The following UGT1A8 variants were observed in gnomAD, a reference collection of about 807,000 sequenced individuals.
UGT1A8 encodes the protein UDP glucuronosyltransferase family 1 member A8, also known as UDP-glucuronosyltransferase 1A8.
In UGT1A8, 39 loss-of-function variants were observed where a neutral mutation model predicts 45.3. That is an observed-to-expected ratio of 0.86 (90% CI 0.67 to 1.12). The LOEUF is 1.12. UGT1A8 is among the 50% of genes most tolerant of loss of function. The pLI is 0.00. For synonymous variants in UGT1A8, 275 were observed against 249.2 expected, an observed-to-expected ratio of 1.10 and a Z score of -0.97; for missense variants, 719 against 664.9, an observed-to-expected ratio of 1.08 and a Z score of -0.90.
intron 1 of UGT1A8, among the ~76,000 whole-genome samples, chr2:233,710,298 G>T (rs546531335): frequency 5.9e-5 from 9 of 152,282 alleles, no homozygotes; most frequent in African/African-American, 2.2e-4. Context: ...GGATTGTTGG[G>T]TTGCATGGTA....
intron 1 of UGT1A8, chr2:233,747,870 C>T (rs1693798797): frequency 1.2e-6 from 2 of 1,613,434 alleles, no homozygotes; most frequent in Non-Finnish European, 1.7e-6. Context: ...CCCTCTGGCC[C>T]TGTCCTACCT....
intron 1 of UGT1A8, among the ~76,000 whole-genome samples, chr2:233,677,695 G>A (rs2074396961): frequency 6.6e-6 from 1 of 152,040 alleles, no homozygotes; most frequent in Non-Finnish European, 1.5e-5. Flanking sequence ...TGGTGAGGCT[G>A]CTGAGAAAAG....
chr2:233,702,773 G>A (rs1177532005), intron 1 of UGT1A8, among the ~76,000 whole-genome samples: 1 of 152,128 alleles, frequency 6.6e-6, no homozygotes, highest in Non-Finnish European at 1.5e-5. Flanking sequence ...TAATTGATTT[G>A]CAGGTGTAAA....
Position 233,768,455 on chromosome 2 carries a change from CAGA to C in UGT1A8, c.1295+21_1295+23del, listed in dbSNP as rs1237588109. On this transcript the variant is annotated intron_variant, in intron 4 of 4. Transcript: ENST00000373450. The stretch of plus-strand genomic sequence containing the variant: ...ATGACAAAAGGTAAGAAAGAAGATA[CAGA>C]AGAATACTTTGGTCATGGCATTCAT... 4 of 1,610,124 alleles carry C rather than the reference CAGA, an allele frequency of 2.5e-6. No homozygotes were observed. The African/African-American group carries it at 5.4e-5, about 22-fold the overall frequency.
chr2:233,734,300 G>GAAGA (rs2078508632), intron 1 of UGT1A8, among the ~76,000 whole-genome samples: 1 of 152,112 alleles, frequency 6.6e-6, no homozygotes, highest in Non-Finnish European at 1.5e-5. Context: ...AGATTTTCTA[G>GAAGA]TTTATTTGTG....
chr2:233,658,784 A>G (rs2073907069), intron 1 of UGT1A8, among the ~76,000 whole-genome samples: 1 of 152,240 alleles, frequency 6.6e-6, no homozygotes, highest in African/African-American at 2.4e-5. Flanking sequence ...GGTTGTTCAT[A>G]CTGCTAAACA....
chr2:233,675,475 T>G (rs924736975), intron 1 of UGT1A8, among the ~76,000 whole-genome samples: 1 of 152,150 alleles, frequency 6.6e-6, no homozygotes, highest in Non-Finnish European at 1.5e-5. Flanking sequence ...CCATGGCAGG[T>G]GCGGCTCTGG....
chr2:233,680,967 G>T (rs1245620136), intron 1 of UGT1A8, among the ~76,000 whole-genome samples: 1 of 152,014 alleles, frequency 6.6e-6, no homozygotes, highest in Non-Finnish European at 1.5e-5. Context: ...TTCTGGAAGG[G>T]TCCATGGAGG....
rs1399305779 is a variant in UGT1A8, at chr2:233,769,284, T to C, written c.1295+845T>C. 6.6e-6 allele frequency among the ~76,000 whole-genome samples: 1 copy of C among 152,226 alleles called. No individual in the cohort carries two copies. The highest frequency in any genetic ancestry group is 1.5e-5 in the Non-Finnish European group (1 of 68,038). ...AACGATTCAAAGGGCAAATGATTTC[T>C]GGATTAAAGTTAGTATATTACTGTC... On this transcript the variant is annotated intron_variant, in intron 4 of 4. Coordinates refer to ENST00000373450, the MANE Select transcript of UGT1A8 (RefSeq NM_019076.5). The surrounding 1 kb of genome is among the most constrained non-coding windows in gnomAD (Gnocchi z 4.4).
At chr2:233,704,603 G>T (rs1341445338) in intron 1 of UGT1A8, among the ~76,000 whole-genome samples, 1 of 152,070 alleles carries the variant, frequency 6.6e-6, no homozygotes, top group African/African-American at 2.4e-5. Context: ...AGAAGAGCAA[G>T]TATGTATTTA....
chr2:233,623,332 G>T (rs2125449543), intron 1 of UGT1A8, among the ~76,000 whole-genome samples: 1 of 152,080 alleles, frequency 6.6e-6, no homozygotes, highest in East Asian at 1.9e-4. Context: ...GGCCATTTTT[G>T]TGATATTGAT....
chr2:233,624,034 T>C (rs1186051898), intron 1 of UGT1A8, among the ~76,000 whole-genome samples: 1 of 152,156 alleles, frequency 6.6e-6, no homozygotes, highest in Non-Finnish European at 1.5e-5. Flanking sequence ...TTGCAACAAA[T>C]AGTTCAGAGA....
At chr2:233,762,564 C>T (rs537495402) in intron 1 of UGT1A8, among the ~76,000 whole-genome samples, 6 of 152,312 alleles carry the variant, frequency 3.9e-5, no homozygotes, top group African/African-American at 1.4e-4. Context: ...GAGATCTAGT[C>T]TAGTTCCCCA....
chr2:233,766,445 C>A (rs1699154824), intron 1 of UGT1A8, among the ~76,000 whole-genome samples: 1 of 152,174 alleles, frequency 6.6e-6, no homozygotes, highest in African/African-American at 2.4e-5. Flanking sequence ...TGTGTGTCTG[C>A]CTGCTAGGGT....
intron 1 of UGT1A8, among the ~76,000 whole-genome samples, chr2:233,694,053 G>C (rs1403841501): frequency 6.6e-6 from 1 of 152,180 alleles, no homozygotes; most frequent in Admixed American, 6.5e-5. Context: ...AGAGGCATTC[G>C]GATGAAGACA....
At chr2:233,676,171 A>C (rs1332547872) in intron 1 of UGT1A8, among the ~76,000 whole-genome samples, 2 of 152,142 alleles carry the variant, frequency 1.3e-5, no homozygotes, top group Non-Finnish European at 2.9e-5. Flanking sequence ...CATTTGTGGA[A>C]ATCATCCAGC....
chr2:233,686,134 A>G (rs1344497843), intron 1 of UGT1A8, among the ~76,000 whole-genome samples: 2 of 152,216 alleles, frequency 1.3e-5, no homozygotes, highest in Non-Finnish European at 2.9e-5. Context: ...TATCATATAT[A>G]AAAATTAACT....
intron 1 of UGT1A8, chr2:233,747,491 G>T: frequency 6.2e-7 from 1 of 1,608,968 alleles, no homozygotes; most frequent in Non-Finnish European, 8.5e-7. Context: ...ATCGCCTTGT[G>T]CTGGGCCACA....
intron 1 of UGT1A8, among the ~76,000 whole-genome samples, chr2:233,629,326 G>A (rs914660312): frequency 6.6e-6 from 1 of 152,054 alleles, no homozygotes; most frequent in East Asian, 1.9e-4. Flanking sequence ...AATATTTCAT[G>A]CTGTATACAT....
Sources: gnomAD v4.1 joint callset for allele counts (sites outside exome capture counted in the v4.1 genomes callset) on GRCh38, gnomAD v4.1.1 for gene constraint, Gnocchi (gnomAD v3.1) non-coding constraint, MANE v1.5 for transcripts, NCBI Gene and HGNC (gene_info 2026-07-23, HGNC 2026-07-21) for gene names.